Variants in NUMB observed in about 807,000 individuals in gnomAD.
NUMB encodes NUMB endocytic adaptor protein.
A neutral mutation model predicts 59.7 loss-of-function variants in NUMB; 29 were observed. The observed-to-expected ratio is 0.49, with a 90% CI of 0.36 to 0.66. The LOEUF (loss-of-function observed/expected upper bound fraction) is 0.66, where lower values mean the gene tolerates loss of function less well. NUMB is among the 30% of genes least tolerant of loss of function. The pLI, the probability that NUMB is intolerant of heterozygous loss-of-function variation, is 0.00. For synonymous variants in NUMB, 288 were observed against 288.2 expected (o/e 1.00, Z 0.01); for missense variants, 723 against 822.0 (o/e 0.88, Z 1.47).
chr14:73,294,221 T>C (rs1889603400), intron 7 of NUMB, among the ~76,000 whole-genome samples: 1 of 152,146 alleles, frequency 6.6e-6, no homozygotes, highest in African/African-American at 2.4e-5. Context: ...GTTTTTGTTC[T>C]TTTTTTGAGA....
intron 9 of NUMB, 87 bp downstream of exon 9, chr14:73,287,023 G>T (rs1454465545): frequency 1.6e-6 from 2 of 1,273,152 alleles, no homozygotes; most frequent in African/African-American, 1.5e-5. Flanking sequence ...CTTTGATTAT[G>T]AGAAAATTTA....
intron 1 of NUMB, among the ~76,000 whole-genome samples, chr14:73,411,364 C>T (rs1896888190): frequency 1.6e-5 from 2 of 124,940 alleles, no homozygotes; most frequent in South Asian, 2.5e-4. Context: ...AGTTTATTTG[C>T]AAAATAATAA....
At chr14:73,291,220 A>G (rs1342681994) in intron 8 of NUMB, among the ~76,000 whole-genome samples, 8 of 150,252 alleles carry the variant, frequency 5.3e-5, no homozygotes, top group Non-Finnish European at 1.5e-5. Context: ...AACTGGGATT[A>G]CAAGCACCCG....
At chr14:73,290,193 T>C (rs1159054175) in intron 8 of NUMB, among the ~76,000 whole-genome samples, 2 of 152,178 alleles carry the variant, frequency 1.3e-5, no homozygotes, top group Non-Finnish European at 2.9e-5. Flanking sequence ...TAGCAAAATA[T>C]ACCCAGTTTG....
At chr14:73,287,603 C>T (rs1889104404) in intron 8 of NUMB, among the ~76,000 whole-genome samples, 2 of 152,096 alleles carry the variant, frequency 1.3e-5, no homozygotes, top group African/African-American at 4.8e-5. Flanking sequence ...GTCTCCAACT[C>T]CTGGCCTCAA....
At chr14:73,361,134 C>G (rs1250896374) in intron 3 of NUMB, among the ~76,000 whole-genome samples, 6 of 152,200 alleles carry the variant, frequency 3.9e-5, no homozygotes, top group African/African-American at 1.4e-4. Flanking sequence ...AAGCGACATG[C>G]CTGCCTCAGC....
chr14:73,431,895 G>A (rs1410650407), intron 1 of NUMB, among the ~76,000 whole-genome samples: 2 of 152,058 alleles, frequency 1.3e-5, no homozygotes, highest in African/African-American at 2.4e-5. Flanking sequence ...AGAAATAAGG[G>A]GAAGGGGCAG....
chr14:73,367,294 T>TATAC (rs1298039823), intron 2 of NUMB, among the ~76,000 whole-genome samples: 1 of 116,816 alleles, frequency 8.6e-6, no homozygotes, highest in South Asian at 2.5e-4. Context: ...TATATATATA[T>TATAC]ATACACACAC....
At chr14:73,429,785 A>G (rs532391030) in intron 1 of NUMB, among the ~76,000 whole-genome samples, 1 of 152,262 alleles carries the variant, frequency 6.6e-6, no homozygotes, top group South Asian at 2.1e-4. Context: ...TCTACTAAAA[A>G]TACAAAAATT....
intron 4 of NUMB, among the ~76,000 whole-genome samples, chr14:73,341,712 T>TAATACCATGGATTACAATACCA (rs747813272): frequency 6.6e-6 from 1 of 152,214 alleles, no homozygotes; most frequent in Non-Finnish European, 1.5e-5. Context: ...ACCATGCCTG[T>TAATACCATGGATTACAATACCA]TGTTTTGTTA....
At chr14:73,302,354 TA>T (rs1441785233) in intron 6 of NUMB, among the ~76,000 whole-genome samples, 1 of 151,794 alleles carries the variant, frequency 6.6e-6, no homozygotes, top group Non-Finnish European at 1.5e-5. Flanking sequence ...TAGCTGAAAT[TA>T]AGCCCAGCCT....
intron 4 of NUMB, among the ~76,000 whole-genome samples, chr14:73,348,268 G>A (rs1893016704): frequency 1.3e-5 from 2 of 152,194 alleles, no homozygotes; most frequent in South Asian, 4.1e-4. Flanking sequence ...ATGAGTTGGG[G>A]AGGGAAGGAG....
chr14:73,435,900 G>C (rs1898032698), intron 1 of NUMB, among the ~76,000 whole-genome samples: 1 of 151,796 alleles, frequency 6.6e-6, no homozygotes. Context: ...CAACTACTTG[G>C]GAGGCTGATG....
chr14:73,416,942 C>T (rs979879465), intron 1 of NUMB, among the ~76,000 whole-genome samples: 25 of 151,548 alleles, frequency 1.6e-4, no homozygotes, highest in African/African-American at 5.8e-4. Context: ...AACCCCAACC[C>T]CCAGGCTCCA....
At chr14:73,447,101 C>T (rs1160060677) in intron 1 of NUMB, among the ~76,000 whole-genome samples, 1 of 150,940 alleles carries the variant, frequency 6.6e-6, no homozygotes, top group Non-Finnish European at 1.5e-5. Flanking sequence ...GCAAGGGAAT[C>T]GCTTGAACCC....
chr14:73,334,670 T>G (rs972780157), intron 4 of NUMB, among the ~76,000 whole-genome samples: 3 of 152,132 alleles, frequency 2.0e-5, no homozygotes, highest in Admixed American at 1.3e-4. Flanking sequence ...TAGCATAGGC[T>G]GGGTGCGGTG....
intron 3 of NUMB, among the ~76,000 whole-genome samples, chr14:73,365,425 C>T (rs915826798): frequency 4.6e-5 from 7 of 152,050 alleles, no homozygotes; most frequent in Admixed American, 4.6e-4. Context: ...AGATATTCTA[C>T]GATCAAGGAC....
rs1019932345 is a variant in NUMB at position 73,279,560 on chromosome 14, C to A, written c.1097-136G>T. ...AGAGAAGAGTTGATGTTTGGGAAAA[C>A]CATGATATCTTGCATTGGATGTACA... is the stretch of plus-strand genomic sequence containing the variant. On this transcript the variant is annotated intron_variant, in intron 11 of 12. Transcript: ENST00000555238. 27 of 751,822 alleles carry A rather than the reference C, an allele frequency of 3.6e-5. No individual in the cohort carries two copies. In the African/African-American group the frequency reaches 4.7e-4, roughly 13 times the overall value. The allele number at this position is 751,822 out of a possible 1,614,324, so 46.6% of individuals were successfully genotyped here.
chr14:73,304,167 A>G (rs2139866207), intron 6 of NUMB, among the ~76,000 whole-genome samples: 1 of 152,360 alleles, frequency 6.6e-6, no homozygotes, highest in Non-Finnish European at 1.5e-5. Flanking sequence ...GCACAGAAAT[A>G]GTAACAAGCT....
Sources: gnomAD v4.1 joint callset for allele counts (sites outside exome capture counted in the v4.1 genomes callset) on GRCh38, gnomAD v4.1.1 for gene constraint, MANE v1.5 for transcripts, NCBI Gene and HGNC (gene_info 2026-07-23, HGNC 2026-07-21) for gene names.